The following CSMD3 variants were observed in gnomAD, a reference collection of about 807,000 sequenced individuals.
CSMD3 encodes the protein CUB and Sushi multiple domains 3, also known as CUB and sushi domain-containing protein 3.
A neutral mutation model predicts 435.2 loss-of-function variants in CSMD3; 177 were observed. The observed-to-expected ratio is 0.41, with a 90% confidence interval of 0.36 to 0.46. CSMD3 has a LOEUF of 0.46. CSMD3 is among the 20% of genes least tolerant of loss of function. The pLI is 0.34. For synonymous variants in CSMD3, 1,656 were observed against 1,520.5 expected, an observed-to-expected ratio of 1.09 and a Z score of -2.07; for missense variants, 4,265 against 4,504.6, an observed-to-expected ratio of 0.95 and a Z score of 1.52.
chr8:113,019,279 A>G, intron 5 of CSMD3, 100 bp from the exon 6 acceptor site: 1 of 768,248 alleles, frequency 1.3e-6, no homozygotes, highest in Middle Eastern at 3.4e-4. Flanking sequence ...TATATTCATG[A>G]CTTTGCACTG....
At chr8:112,236,742 G>A (rs954242314) in intron 67 of CSMD3, among the ~76,000 whole-genome samples, 2 of 152,208 alleles carry the variant, frequency 1.3e-5, no homozygotes, top group South Asian at 2.1e-4. Context: ...GTTCCCTTAT[G>A]CCTATTTAAA....
At chr8:112,271,399 T>C (rs1817520518) in intron 59 of CSMD3, among the ~76,000 whole-genome samples, 1 of 152,128 alleles carries the variant, frequency 6.6e-6, no homozygotes, top group African/African-American at 2.4e-5. Flanking sequence ...GGTCATAAAT[T>C]AATGAGACAT....
chr8:113,098,484 C>T (rs2090231013), intron 5 of CSMD3: 2 of 416,334 alleles, frequency 4.8e-6, no homozygotes, highest in Middle Eastern at 1.4e-3. Context: ...TGAGAGAAAC[C>T]ATCAAGTTTG....
chr8:112,465,571 CAT>C (rs1343332079), intron 32 of CSMD3, among the ~76,000 whole-genome samples: 5 of 152,114 alleles, frequency 3.3e-5, no homozygotes, highest in Non-Finnish European at 1.5e-5. Context: ...ACATGATAAT[CAT>C]ATTTCCCTTC....
chr8:112,479,733 C>T (rs778773157), intron 31 of CSMD3, among the ~76,000 whole-genome samples: 1 of 152,194 alleles, frequency 6.6e-6, no homozygotes, highest in Non-Finnish European at 1.5e-5. Flanking sequence ...GTGTGAAGGA[C>T]GCTTGTCAAC....
At position 113,399,078 on chromosome 8, in the gene CSMD3, C is replaced by CATATATATATAT. The variant is rs764141337; in HGVS notation, c.178+37587_178+37598dup. On this transcript the variant is annotated intron_variant, in intron 1 of 70. Coordinates refer to ENST00000297405, the MANE Select transcript of CSMD3 (RefSeq NM_198123.2). ...CAAAACCATACCCACAAGGATAGTT[C>CATATATATATAT]ATATATATATATATATATATATATA... Among the ~76,000 whole-genome samples, 265 of 90,798 alleles carry CATATATATATAT rather than the reference C, an allele frequency of 2.9e-3. 2 individuals carry two copies. The highest frequency in any genetic ancestry group is 0.012 in the African/African-American group (239 of 20,634). 59.6% of individuals were successfully genotyped at this position (90,798 alleles called of 152,430 possible).
intron 44 of CSMD3, 141 bp from the exon 45 acceptor site, chr8:112,335,615 C>T: frequency 1.4e-6 from 1 of 736,076 alleles, no homozygotes; most frequent in Non-Finnish European, 2.4e-6. Context: ...CCAATGAGTA[C>T]AAATTATATA....
chr8:113,226,183 T>TA (rs375720849), intron 3 of CSMD3, among the ~76,000 whole-genome samples: 12 of 151,664 alleles, frequency 7.9e-5, no homozygotes, highest in Middle Eastern at 6.8e-3. Context: ...AATGGACTAA[T>TA]ACAGTGTTAT....
intron 2 of CSMD3, among the ~76,000 whole-genome samples, chr8:113,286,449 T>G (rs912553180): frequency 6.6e-6 from 1 of 152,122 alleles, no homozygotes; most frequent in African/African-American, 2.4e-5. Flanking sequence ...TCAATGAATA[T>G]GTTTTTTAAA....
At chr8:112,635,034 T>G (rs1380903223) in intron 22 of CSMD3, among the ~76,000 whole-genome samples, 1 of 152,008 alleles carries the variant, frequency 6.6e-6, no homozygotes, top group African/African-American at 2.4e-5. Flanking sequence ...TTAAATGAGA[T>G]GACTTTACAT....
chr8:112,905,339 C>CACAT (rs1564088399), intron 10 of CSMD3, among the ~76,000 whole-genome samples: 1 of 150,234 alleles, frequency 6.7e-6, no homozygotes, highest in African/African-American at 2.4e-5. Flanking sequence ...CACACACACA[C>CACAT]ATATATATCA....
At chr8:112,899,662 T>TAC (rs60352918) in intron 10 of CSMD3, among the ~76,000 whole-genome samples, 70,900 of 121,386 alleles carry the variant, frequency 0.58, 20,786 homozygotes, top group East Asian at 0.76. Flanking sequence ...CGCAAATACA[T>TAC]ACACACACAC....
intron 32 of CSMD3, among the ~76,000 whole-genome samples, chr8:112,449,333 A>G (rs1452225774): frequency 3.3e-5 from 5 of 152,168 alleles, no homozygotes; most frequent in Non-Finnish European, 5.9e-5. Context: ...TCGCTCTTCT[A>G]ATGGTGTGGT....
chr8:113,420,585 T>C (rs1439096487), intron 1 of CSMD3, among the ~76,000 whole-genome samples: 3 of 152,144 alleles, frequency 2.0e-5, no homozygotes, highest in African/African-American at 7.2e-5. Flanking sequence ...AAAATAATTC[T>C]TAGACTATGG....
intron 5 of CSMD3, among the ~76,000 whole-genome samples, chr8:113,049,641 A>C (rs1371973902): frequency 6.6e-6 from 1 of 152,204 alleles, no homozygotes; most frequent in Non-Finnish European, 1.5e-5. Flanking sequence ...TCTATGGTAC[A>C]TTGACTTGTT....
At chr8:112,648,164 C>T (rs2075032845) in intron 19 of CSMD3, among the ~76,000 whole-genome samples, 1 of 152,074 alleles carries the variant, frequency 6.6e-6, no homozygotes, top group Admixed American at 6.6e-5. Context: ...TCCCTTGTTA[C>T]CTCAGGAGAT....
At chr8:112,472,901 T>A (rs1818671490) in intron 31 of CSMD3, among the ~76,000 whole-genome samples, 194 bp from the exon 32 acceptor site, 1 of 152,194 alleles carries the variant, frequency 6.6e-6, no homozygotes, top group South Asian at 2.1e-4. Flanking sequence ...TTTATAAGTA[T>A]TCAAATTTAC....
In CSMD3 at chr8:113,242,274, T is replaced by C. The variant is rs551040581; in HGVS notation, c.514+36318A>G. 5.9e-4 allele frequency among the ~76,000 whole-genome samples: 89 copies of C among 151,986 alleles called. 1 individual carries two copies. The highest frequency in any genetic ancestry group is 4.9e-3 in the Admixed American group (74 of 15,216). On this transcript the variant is annotated intron_variant, in intron 3 of 70. Coordinates refer to ENST00000297405, the MANE Select transcript of CSMD3 (RefSeq NM_198123.2). ...GTACATTTTACCTTAATGAACAGAA[T>C]AAAATATTAATACAATAAAGAGGAG...
At chr8:112,904,127 G>GA (rs944618901) in intron 10 of CSMD3, among the ~76,000 whole-genome samples, 6 of 151,224 alleles carry the variant, frequency 4.0e-5, no homozygotes, top group African/African-American at 1.5e-4. Flanking sequence ...TCCTTATGTG[G>GA]AAAATAGATA....
Sources: allele counts gnomAD v4.1 joint callset (sites outside exome capture counted in the v4.1 genomes callset), GRCh38; gene constraint gnomAD v4.1.1; transcripts MANE v1.5; gene names NCBI Gene and HGNC (gene_info 2026-07-23, HGNC 2026-07-21).